The following DCAF12 variants were observed in gnomAD, a reference collection of about 807,000 sequenced individuals.
The protein encoded by DCAF12 is DDB1- and CUL4-associated factor 12.
A neutral mutation model predicts 52.8 loss-of-function variants in DCAF12; 28 were observed. The ratio of observed to expected loss-of-function variants is 0.53; its 90% CI spans 0.39 to 0.73. DCAF12 has a LOEUF of 0.73. DCAF12 is among the 30% of genes least tolerant of loss of function. The pLI is 0.00. For missense variants in DCAF12, 425 were observed against 552.2 expected, an observed-to-expected ratio of 0.77 and a Z score of 2.31; for synonymous variants, 196 against 215.5, an observed-to-expected ratio of 0.91 and a Z score of 0.79.
Position 34,126,419 on chromosome 9 carries a change from C to T in DCAF12, c.13G>A (p.Val5Ile), listed in dbSNP as rs1563865563. 1.2e-6 allele frequency: 2 copies of T among 1,608,280 alleles called. No homozygotes were observed. Among genetic ancestry groups the T allele is most frequent in the Middle Eastern group, 1.6e-4 (1 of 6,064 alleles). ...GGCGCTTTCCGCTTCCTGCTAACTA[C>T]TTTCCGGGCCATAGTGGGCAGCGCC... Reference protein sequence around the residue: MARKVVSRKRKAPAS... With the variant: MARKIVSRKRKAPAS... The change falls in exon 1 of 9, where the codon GTA becomes ATA. Residue 5 changes from valine to isoleucine, a missense_variant. Physicochemically the swap from Val to Ile is conservative, Grantham distance 29 (BLOSUM62 3). Around this residue, in one of 3 missense-constraint regions of DCAF12, gnomAD observed 89 missense variants for 84.9 expected, o/e 1.05. Coordinates refer to ENST00000361264, the MANE Select transcript of DCAF12 (RefSeq NM_015397.4).
Position 34,093,140 on chromosome 9 carries a change from C to T in DCAF12, c.1024+146G>A, listed in dbSNP as rs538295804. On this transcript the variant is annotated intron_variant, in intron 7 of 8. Coordinates refer to ENST00000361264, the MANE Select transcript of DCAF12 (RefSeq NM_015397.4). Reference sequence around the variant, plus strand: ...CTGGGATTACAGGCGTAAGCCACCACGCCTAGCCATCGCTCCCCTTTTTGA... The same window carrying T: ...CTGGGATTACAGGCGTAAGCCACCATGCCTAGCCATCGCTCCCCTTTTTGA... 31 of 1,059,430 alleles carry T rather than the reference C, an allele frequency of 2.9e-5. No homozygotes were observed. In the South Asian group the frequency reaches 3.1e-4, roughly 11 times the overall value. The allele number at this position is 1,059,430 out of a possible 1,614,324, so 65.6% of individuals were successfully genotyped here.
At chr9:34,105,656 C>T (rs1372337623) in intron 4 of DCAF12, among the ~76,000 whole-genome samples, 2 of 151,838 alleles carry the variant, frequency 1.3e-5, no homozygotes, top group South Asian at 2.1e-4. Context: ...AAAAAGAAAA[C>T]GAAACAACCC....
chr9:34,112,319 A>G (rs1388180545), intron 2 of DCAF12, among the ~76,000 whole-genome samples: 1 of 151,668 alleles, frequency 6.6e-6, no homozygotes, highest in Non-Finnish European at 1.5e-5. Context: ...TCCCAGGCTG[A>G]GCGTGGTGGT....
intron 2 of DCAF12, among the ~76,000 whole-genome samples, chr9:34,113,275 C>G (rs983765589): frequency 6.6e-6 from 1 of 152,186 alleles, no homozygotes; most frequent in Non-Finnish European, 1.5e-5. Context: ...TGGTCTCAAA[C>G]TCCTCACCTC....
chr9:34,103,520 C>A (rs2131432830), intron 4 of DCAF12, among the ~76,000 whole-genome samples: 1 of 152,126 alleles, frequency 6.6e-6, no homozygotes, highest in South Asian at 2.1e-4. Context: ...GTATGTTCAA[C>A]AATAGGGTTA....
In DCAF12 at chr9:34,093,610, G is replaced by GAGAA; in HGVS notation, c.862-166_862-163dup. ...CTCTGTTCCACCCCTAGGTATACAGGAGAAAGAGGAGGTGAATGTTAATAA... is the reference window on the plus strand; with the variant it reads ...CTCTGTTCCACCCCTAGGTATACAGGAGAAAGAAAGAGGAGGTGAATGTTAATAA... On this transcript the variant is annotated intron_variant, in intron 6 of 8. Transcript: ENST00000361264. 4.4e-6 allele frequency: 3 copies of GAGAA among 678,364 alleles called. 1 individual carries two copies. In the South Asian group the frequency reaches 5.9e-5, roughly 13 times the overall value. 42.0% of individuals were successfully genotyped at this position (678,364 alleles called of 1,614,324 possible). A position where few individuals can be genotyped will look rare whatever the true frequency, so the allele number is the denominator to read the frequency against.
chr9:34,103,567 T>C (rs951369143), intron 4 of DCAF12, among the ~76,000 whole-genome samples: 1 of 151,398 alleles, frequency 6.6e-6, no homozygotes, highest in Non-Finnish European at 1.5e-5. Flanking sequence ...AGAAATTATG[T>C]TTTAGGCCGG....
chr9:34,116,329 G>A (rs1038538158), intron 2 of DCAF12, among the ~76,000 whole-genome samples: 5 of 151,780 alleles, frequency 3.3e-5, no homozygotes, highest in African/African-American at 4.8e-5. Context: ...CAGCCTGGGC[G>A]ACAGAGAGAG....
At chr9:34,091,639 C>CAAAAAAAA (rs34922785) in intron 7 of DCAF12, among the ~76,000 whole-genome samples, 1 of 80,494 alleles carries the variant, frequency 1.2e-5, no homozygotes, top group Non-Finnish European at 2.2e-5. Flanking sequence ...ACCCTGTCTT[C>CAAAAAAAA]AAAAAAAAAA....
chr9:34,094,752 A>C (rs540160103), intron 6 of DCAF12, among the ~76,000 whole-genome samples: 5 of 151,712 alleles, frequency 3.3e-5, no homozygotes, highest in East Asian at 2.0e-4. Flanking sequence ...GGATGGTCTC[A>C]ATCTCCTGAC....
intron 2 of DCAF12, among the ~76,000 whole-genome samples, chr9:34,109,006 T>A (rs199712631): frequency 1.5e-4 from 2 of 13,140 alleles, no homozygotes; most frequent in Non-Finnish European, 5.7e-4. Context: ...ATATATATGG[T>A]TTTTTTTTTT....
Position 34,125,111 on chromosome 9 carries a change from C to G in DCAF12, c.245G>C (p.Arg82Thr). 6.2e-7 allele frequency: 1 copy of G among 1,614,166 alleles called. No individual in the cohort carries two copies. The highest frequency in any genetic ancestry group is 2.2e-5 in the East Asian group (1 of 44,890). The change falls in exon 2 of 9, where the codon AGA (arginine) becomes ACA (threonine). Residue 82 changes from arginine to threonine, a missense_variant. Transcript: ENST00000361264. ...ATTAAGGGTCCCAAGGTGAAACTCT[C>G]TCTCCTTCAGGAGACTGGGAAGTTG... is the stretch of plus-strand genomic sequence containing the variant. ...AQQLPSLLKE[R>T]EFHLGTLNKV...
rs761928345 is a variant in DCAF12 at position 34,126,388 on chromosome 9, G to C, written c.44C>G (p.Ser15Trp). Reference protein sequence around the residue: ...VVSRKRKAPASPGAGSDAQGP... With the variant: ...VVSRKRKAPAWPGAGSDAQGP... Reference sequence around the variant, plus strand: ...CTGAGCGTCGCTCCCAGCTCCCGGCGAGGCGGGCGCTTTCCGCTTCCTGCT... The same window carrying C: ...CTGAGCGTCGCTCCCAGCTCCCGGCCAGGCGGGCGCTTTCCGCTTCCTGCT... The change falls in exon 1 of 9, where the codon TCG becomes TGG. Residue 15 changes from serine to tryptophan, a missense_variant. By Grantham distance (177) the Ser-to-Trp change is radical. This residue lies in a region of DCAF12 where 89 missense variants were observed against 84.9 expected (regional missense o/e 1.05). Transcript: ENST00000361264. 1.2e-6 allele frequency: 2 copies of C among 1,611,282 alleles called. No individual in the cohort carries two copies. The highest frequency in any genetic ancestry group is 1.7e-5 in the Admixed American group (1 of 59,986).
At chr9:34,104,918 CA>C (rs56012187) in intron 4 of DCAF12, among the ~76,000 whole-genome samples, 201 of 125,960 alleles carry the variant, frequency 1.6e-3, no homozygotes, top group Middle Eastern at 4.0e-3. Flanking sequence ...ACTCCGTCTC[CA>C]AAAAAAAAAA....
chr9:34,122,418 C>T (rs1014506369), intron 2 of DCAF12, among the ~76,000 whole-genome samples: 1 of 151,856 alleles, frequency 6.6e-6, no homozygotes, highest in Non-Finnish European at 1.5e-5. Flanking sequence ...AAATCTGTTC[C>T]TTAACATTCA....
chr9:34,089,637 GCTGA>G, intron 7 of DCAF12, 47 bp from the exon 8 acceptor site: 1 of 1,538,456 alleles, frequency 6.5e-7, no homozygotes, highest in South Asian at 1.2e-5. Flanking sequence ...GAGAATATTT[GCTGA>G]CTGTCTGCTA....
chr9:34,125,128 G>C lies in DCAF12; in HGVS notation c.228C>G (p.Pro76=). 1 of 1,614,118 alleles carries C rather than the reference G, an allele frequency of 6.2e-7. No homozygotes were observed. The highest frequency in any genetic ancestry group is 8.5e-7 in the Non-Finnish European group (1 of 1,180,030). ...VLHGYAAQQL[P]SLLKEREFHL... ...GAAACTCTCTCTCCTTCAGGAGACT[G>C]GGAAGTTGCTGTGCTGCATAACCAT... The change falls in exon 2 of 9, where the codon CCC becomes CCG. Residue 76 remains proline, a synonymous_variant. Coordinates refer to ENST00000361264, the MANE Select transcript of DCAF12 (RefSeq NM_015397.4).
chr9:34,125,775 T>C, intron 1 of DCAF12: 1 of 270,128 alleles, frequency 3.7e-6, no homozygotes, highest in South Asian at 3.6e-5. Flanking sequence ...AGTTGCAGAA[T>C]TCGAAAAATC....
Position 34,105,907 on chromosome 9 carries a change from C to G in DCAF12, c.601+527G>C, listed in dbSNP as rs559079761. On this transcript the variant is annotated intron_variant, in intron 4 of 8. Transcript: ENST00000361264. ...GGGACTACAAGCGCCCACGACCACA[C>G]TCAGCTAATTTTTTGTACTTTTAGT... is the stretch of plus-strand genomic sequence containing the variant. Among the ~76,000 whole-genome samples, 10 of 152,062 alleles carry G rather than the reference C, an allele frequency of 6.6e-5. No individual in the cohort carries two copies. In the East Asian group the frequency reaches 1.9e-3, roughly 30 times the overall value.
Sources: allele counts gnomAD v4.1 joint callset (sites outside exome capture counted in the v4.1 genomes callset), GRCh38; gene constraint gnomAD v4.1.1; regional missense constraint gnomAD v4.1.1; transcripts MANE v1.5; gene names NCBI Gene and HGNC (gene_info 2026-07-23, HGNC 2026-07-21).